Variants in DLGAP2 observed in about 807,000 individuals in gnomAD.
DLGAP2 encodes disks large-associated protein 2.
A neutral mutation model predicts 100.3 loss-of-function variants in DLGAP2; 26 were observed. The ratio of observed to expected loss-of-function variants is 0.26; its 90% CI spans 0.19 to 0.36. The LOEUF (loss-of-function observed/expected upper bound fraction) is 0.36. Ranked by LOEUF, DLGAP2 falls within the 10% of genes least tolerant of loss-of-function variation. The probability of loss-of-function intolerance (pLI) is 1.00; values close to 1 mark genes in which losing one functional copy is unlikely to be tolerated. For missense variants in DLGAP2, 1,858 were observed against 1,453.2 expected, an observed-to-expected ratio of 1.28 and a Z score of -4.53; for synonymous variants, 886 against 630.1, an observed-to-expected ratio of 1.41 and a Z score of -6.08.
In DLGAP2 at chr8:1,662,393, C is replaced by T. The variant is rs748784016; in HGVS notation, c.1811-5936C>T. On this transcript the variant is annotated intron_variant, in intron 8 of 14. Coordinates refer to ENST00000637795, the MANE Select transcript of DLGAP2 (RefSeq NM_001346810.2). ...TTTTTGTTTTTAGGAAACCTGGAAC[C>T]GCCATAAATCTTGCTGAAATAAGTG... 7.2e-5 allele frequency among the ~76,000 whole-genome samples: 11 copies of T among 152,222 alleles called. No homozygotes were observed. The East Asian group carries it at 7.7e-4, about 11-fold the overall frequency.
intron 1 of DLGAP2, among the ~76,000 whole-genome samples, chr8:801,992 T>C: frequency 6.9e-6 from 1 of 144,096 alleles, no homozygotes; most frequent in Non-Finnish European, 1.5e-5. Context: ...GGGTCCTCTG[T>C]CCTCACAGCC....
intron 3 of DLGAP2, among the ~76,000 whole-genome samples, chr8:1,373,468 A>C (rs981009742): frequency 3.3e-4 from 50 of 152,258 alleles, no homozygotes; most frequent in Non-Finnish European, 6.0e-4. Flanking sequence ...CGAGACCCGA[A>C]TCCGGGATCA....
chr8:1,172,343 A>T (rs886906205), intron 2 of DLGAP2, among the ~76,000 whole-genome samples: 3 of 151,744 alleles, frequency 2.0e-5, no homozygotes, highest in Non-Finnish European at 4.4e-5. Flanking sequence ...CACTTTGGTG[A>T]ATCTGACCAT....
At chr8:810,685 G>A (rs971448978) in intron 1 of DLGAP2, among the ~76,000 whole-genome samples, 1 of 152,178 alleles carries the variant, frequency 6.6e-6, no homozygotes, top group Non-Finnish European at 1.5e-5. Flanking sequence ...TTGTTTATCA[G>A]TGGGTTTTTA....
intron 8 of DLGAP2, among the ~76,000 whole-genome samples, chr8:1,640,905 T>C (rs1344934462): frequency 6.6e-6 from 1 of 152,252 alleles, no homozygotes; most frequent in Non-Finnish European, 1.5e-5. Context: ...TTATGTACTT[T>C]ATCCGTTGTG....
chr8:788,314 G>A (rs913645187), intron 1 of DLGAP2, among the ~76,000 whole-genome samples: 4 of 152,204 alleles, frequency 2.6e-5, no homozygotes, highest in African/African-American at 9.7e-5. Flanking sequence ...GCAGCATTCA[G>A]TCGAGGCCTT....
chr8:1,216,809 A>T lies in DLGAP2; in HGVS notation c.74-42042A>T, dbSNP rs549790315. Reference sequence around the variant, plus strand: ...CTGAATCTGTTATGAAGTGAACAGTAGTAACCTAATCAGGGAATGAGTTCT... The same window carrying T: ...CTGAATCTGTTATGAAGTGAACAGTTGTAACCTAATCAGGGAATGAGTTCT... On this transcript the variant is annotated intron_variant, in intron 2 of 14. Transcript: ENST00000637795. 1.6e-4 allele frequency among the ~76,000 whole-genome samples: 25 copies of T among 152,326 alleles called. No homozygotes were observed. In the South Asian group the frequency reaches 2.7e-3, roughly 16 times the overall value.
chr8:778,769 C>T (rs896936373), intron 1 of DLGAP2, among the ~76,000 whole-genome samples: 1 of 152,254 alleles, frequency 6.6e-6, no homozygotes, highest in Admixed American at 6.5e-5. Context: ...ACATTTAAGT[C>T]TGCAGAGGTT....
At chr8:1,626,618 C>G in intron 6 of DLGAP2, 122 bp from the exon 7 acceptor site, 1 of 1,236,422 alleles carries the variant, frequency 8.1e-7, no homozygotes, top group South Asian at 1.5e-5. Flanking sequence ...GTTGGACGGT[C>G]GTTCCCACCT....
chr8:1,240,574 C>G (rs79373557), intron 2 of DLGAP2, among the ~76,000 whole-genome samples: 12,794 of 140,580 alleles, frequency 0.091, 1,248 homozygotes, highest in African/African-American at 0.25. Context: ...TCTTACATGG[C>G]GCCGTGTCTA....
chr8:1,314,855 G>A (rs775139149), intron 3 of DLGAP2, among the ~76,000 whole-genome samples: 1 of 152,210 alleles, frequency 6.6e-6, no homozygotes, highest in South Asian at 2.1e-4. Context: ...AGTGTTCTCT[G>A]AATTTCCATG....
At chr8:906,271 C>T (rs372416964) in intron 1 of DLGAP2, among the ~76,000 whole-genome samples, 178 of 152,316 alleles carry the variant, frequency 1.2e-3, no homozygotes, top group African/African-American at 4.1e-3. Context: ...ATTTTGTGGG[C>T]AACTTAGTTT....
chr8:784,901 A>G (rs556734190), intron 1 of DLGAP2, among the ~76,000 whole-genome samples: 70 of 152,134 alleles, frequency 4.6e-4, no homozygotes, highest in Non-Finnish European at 9.1e-4. Context: ...CTTATTTTAC[A>G]GCCACTAAAA....
chr8:1,700,799 G>A (rs982909876), intron 14 of DLGAP2, among the ~76,000 whole-genome samples: 13 of 152,210 alleles, frequency 8.5e-5, no homozygotes, highest in African/African-American at 3.1e-4. Context: ...GATGTCCAGC[G>A]ATGGTGTCCA....
At chr8:1,694,795 A>T (rs1799338740) in intron 13 of DLGAP2, among the ~76,000 whole-genome samples, 1 of 152,132 alleles carries the variant, frequency 6.6e-6, no homozygotes. Flanking sequence ...GCAATTTCAC[A>T]AGGAAAGAGG....
In DLGAP2 at chr8:806,235, A is replaced by G. The variant is rs1171400686; in HGVS notation, c.18+68410A>G. On this transcript the variant is annotated intron_variant, in intron 1 of 14. Transcript: ENST00000637795. ...TGGTTGACAAAAGTAGAGACTTTAC[A>G]GGATCATGTAATTGGAAGCAGGATC... 5.9e-5 allele frequency among the ~76,000 whole-genome samples: 9 copies of G among 152,320 alleles called. No individual in the cohort carries two copies. The East Asian group carries it at 1.4e-3, about 23-fold the overall frequency.
At chr8:1,428,891 G>C (rs765957191) in intron 3 of DLGAP2, among the ~76,000 whole-genome samples, 1 of 152,196 alleles carries the variant, frequency 6.6e-6, no homozygotes, top group African/African-American at 2.4e-5. Flanking sequence ...TGCACAGGAC[G>C]TCGTCTCATG....
chr8:1,031,371 C>A (rs1326013589), intron 2 of DLGAP2, among the ~76,000 whole-genome samples: 1 of 151,936 alleles, frequency 6.6e-6, no homozygotes, highest in South Asian at 2.1e-4. Flanking sequence ...GGACTGACAT[C>A]GAGATTTCTT....
Position 1,258,882 on chromosome 8 carries a change from A to T in DLGAP2, c.105A>T (p.Glu35Asp). ...ESQCTLCGEPEEEEAGDLVQP... is the reference protein window; with the variant it reads ...ESQCTLCGEPDEEEAGDLVQP... ...AGTGCACGCTCTGCGGGGAGCCGGA[A>T]GGTGAGTACCTGACATGCTGCCTGG... Residue 35 changes from glutamate (E) to aspartate (D), a missense_variant and splice_region_variant, in exon 3 of 15, where the codon GAA (glutamate) becomes GAT (aspartate). Physicochemically the swap from Glu to Asp is conservative, Grantham distance 45. Transcript: ENST00000637795. 4.1e-6 allele frequency: 5 copies of T among 1,231,804 alleles called. No homozygotes were observed. The highest frequency in any genetic ancestry group is 5.1e-6 in the Non-Finnish European group (5 of 988,022). The allele number at this position is 1,231,804 out of a possible 1,614,324, so 76.3% of individuals were successfully genotyped here.
Sources: allele counts gnomAD v4.1 joint callset (sites outside exome capture counted in the v4.1 genomes callset), GRCh38; gene constraint gnomAD v4.1.1; transcripts MANE v1.5; gene names NCBI Gene and HGNC (gene_info 2026-07-23, HGNC 2026-07-21).